The following EYA1 variants were observed in gnomAD, a reference collection of about 807,000 sequenced individuals.
EYA1 encodes the protein EYA transcriptional coactivator and phosphatase 1.
Under a neutral mutation model 82.0 loss-of-function variants are expected in EYA1, and 16 were observed. The observed-to-expected ratio is 0.20, with a 90% CI of 0.13 to 0.30. EYA1 has a LOEUF of 0.30. Among genes scored for constraint, EYA1 ranks in the 10% least tolerant of loss-of-function variants. EYA1 has a pLI of 1.00. For synonymous variants in EYA1, 261 were observed against 264.4 expected (o/e 0.99, Z 0.12); for missense variants, 633 against 730.7 (o/e 0.87, Z 1.54).
At chr8:71,235,451 C>T (rs1420450742) in intron 12 of EYA1, among the ~76,000 whole-genome samples, 2 of 152,076 alleles carry the variant, frequency 1.3e-5, no homozygotes, top group African/African-American at 2.4e-5. Flanking sequence ...CTTGCAGTTG[C>T]TTCCCTCCCA....
At chr8:71,486,846 A>T (rs1387524804) in intron 2 of EYA1, among the ~76,000 whole-genome samples, 2 of 151,886 alleles carry the variant, frequency 1.3e-5, no homozygotes, top group Non-Finnish European at 2.9e-5. Context: ...TAGAGATCCC[A>T]GCTCTGGTAG....
At chr8:71,262,712 G>C (rs1012168333) in intron 11 of EYA1, among the ~76,000 whole-genome samples, 1 of 152,156 alleles carries the variant, frequency 6.6e-6, no homozygotes, top group African/African-American at 2.4e-5. Flanking sequence ...CATTTCCGCT[G>C]TATACTACTG....
chr8:71,460,842 T>C lies in EYA1; in HGVS notation c.33+74902A>G, dbSNP rs567683703. Among the ~76,000 whole-genome samples, 57 of 152,314 alleles carry C rather than the reference T, an allele frequency of 3.7e-4. No individual in the cohort carries two copies. The South Asian group carries it at 0.012, about 32-fold the overall frequency. The stretch of plus-strand genomic sequence containing the variant: ...CAAGCACCCCAGGCAATTCTGGTGA[T>C]CCTGGAAGTTTGGGAAACACTAATT... On this transcript the variant is annotated intron_variant, in intron 2 of 18. Transcript: ENST00000643681.
At chr8:71,222,934 C>T (rs1321149113) in intron 12 of EYA1, among the ~76,000 whole-genome samples, 1 of 150,892 alleles carries the variant, frequency 6.6e-6, no homozygotes, top group East Asian at 1.9e-4. Context: ...CTGACCTGTG[C>T]TCTGTGTCCG....
chr8:71,362,282 T>A, upstream of EYA1: 1 of 813,348 alleles, frequency 1.2e-6, no homozygotes. Flanking sequence ...AACCTTGCTG[T>A]TTAAAAAAAA....
At chr8:71,225,015 G>A (rs991683762) in intron 12 of EYA1, 63 of 215,684 alleles carry the variant, frequency 2.9e-4, no homozygotes, top group African/African-American at 1.4e-3. Context: ...ATTTGATTTG[G>A]TACATCAAGT....
At chr8:71,240,153 C>T (rs1469123079) in intron 12 of EYA1, among the ~76,000 whole-genome samples, 1 of 152,192 alleles carries the variant, frequency 6.6e-6, no homozygotes, top group African/African-American at 2.4e-5. Flanking sequence ...AAAATCATTG[C>T]AGCTTTCTCC....
In EYA1 at chr8:71,361,955, A is replaced by C. The variant is rs1189758773; in HGVS notation, c.-363T>G. ...GGCTTAAAGTCGGAAGTGGCACTGGAGAGTTTCTACCTCGCCCCAAACTCG... is the reference window on the plus strand; with the variant it reads ...GGCTTAAAGTCGGAAGTGGCACTGGCGAGTTTCTACCTCGCCCCAAACTCG... On this transcript the variant is annotated 5_prime_UTR_variant, in exon 1 of 18. Coordinates refer to ENST00000340726, the MANE Select transcript of EYA1 (RefSeq NM_000503.6). 30 of 985,298 alleles carry C rather than the reference A, an allele frequency of 3.0e-5. No homozygotes were observed. Among genetic ancestry groups the C allele is most frequent in the Non-Finnish European group, 3.5e-5 (29 of 829,958 alleles). 61.0% of individuals were successfully genotyped at this position (985,298 alleles called of 1,614,324 possible).
intron 2 of EYA1, among the ~76,000 whole-genome samples, chr8:71,421,255 C>A (rs1050788321): frequency 1.3e-5 from 2 of 152,104 alleles, no homozygotes; most frequent in Admixed American, 6.5e-5. Flanking sequence ...CAAGGAATCC[C>A]CCTGAAACTT....
chr8:71,274,602 C>T (rs942959740), intron 9 of EYA1, among the ~76,000 whole-genome samples: 5 of 152,150 alleles, frequency 3.3e-5, no homozygotes, highest in African/African-American at 1.2e-4. Context: ...AATGATGTAG[C>T]AAACAGACAT....
chr8:71,240,905 C>T (rs552606593), intron 12 of EYA1, among the ~76,000 whole-genome samples: 1 of 152,306 alleles, frequency 6.6e-6, no homozygotes, highest in Admixed American at 6.5e-5. Flanking sequence ...TTTCTCCAAC[C>T]AGTCAGAAAG....
At chr8:71,308,354 G>A (rs1418282185) in intron 7 of EYA1, among the ~76,000 whole-genome samples, 1 of 152,096 alleles carries the variant, frequency 6.6e-6, no homozygotes, top group Non-Finnish European at 1.5e-5. Context: ...AAATTTAAAA[G>A]TAAATTACAT....
At position 71,415,724 on chromosome 8, in the gene EYA1, G is replaced by A. The variant is rs574355700; in HGVS notation, c.34-59213C>T. On this transcript the variant is annotated intron_variant, in intron 2 of 18. Transcript: ENST00000643681. ...CTTCACACTCTATAGACACGACTTGGCCCCAAAGAGGCATCACGGCTCCTG... is the reference window on the plus strand; with the variant it reads ...CTTCACACTCTATAGACACGACTTGACCCCAAAGAGGCATCACGGCTCCTG... Among the ~76,000 whole-genome samples the A allele has an allele frequency of 2.6e-5, 4 of 152,250 alleles. No individual in the cohort carries two copies. In the East Asian group the frequency reaches 7.7e-4, roughly 29 times the overall value.
intron 2 of EYA1, among the ~76,000 whole-genome samples, chr8:71,381,055 C>A (rs770785881): frequency 2.0e-5 from 3 of 152,212 alleles, no homozygotes; most frequent in South Asian, 2.1e-4. Flanking sequence ...GTTCACAAGA[C>A]CCCATTATCA....
chr8:71,439,381 AG>A, intron 2 of EYA1, among the ~76,000 whole-genome samples: 1 of 152,180 alleles, frequency 6.6e-6, no homozygotes, highest in East Asian at 1.9e-4. Context: ...GTGGGGGTAA[AG>A]GGGGTATGGA....
chr8:71,243,568 T>G (rs889094275), intron 12 of EYA1, among the ~76,000 whole-genome samples: 3 of 152,220 alleles, frequency 2.0e-5, no homozygotes, highest in Non-Finnish European at 4.4e-5. Flanking sequence ...GCACTGGAAG[T>G]TGCCAATTCG....
intron 3 of EYA1, among the ~76,000 whole-genome samples, chr8:71,346,172 A>C (rs1179021987): frequency 6.6e-6 from 1 of 151,976 alleles, no homozygotes; most frequent in African/African-American, 2.4e-5. Flanking sequence ...GCGTCCCCAC[A>C]ATCCACAATC....
chr8:71,490,784 A>G (rs1409201216), intron 2 of EYA1, among the ~76,000 whole-genome samples: 3 of 152,234 alleles, frequency 2.0e-5, no homozygotes, highest in East Asian at 1.9e-4. Context: ...CACAACTTGA[A>G]GAGCTGTTTA....
At chr8:71,365,215 G>A (rs577021930), upstream of EYA1, among the ~76,000 whole-genome samples, 253 of 151,548 alleles carry the variant, frequency 1.7e-3, 1 homozygote, top group African/African-American at 5.7e-3. Flanking sequence ...AAATACAGGT[G>A]TCCCTTTCCC....
Sources: allele counts gnomAD v4.1 joint callset (sites outside exome capture counted in the v4.1 genomes callset), GRCh38; gene constraint gnomAD v4.1.1; transcripts MANE v1.5; gene names NCBI Gene and HGNC (gene_info 2026-07-23, HGNC 2026-07-21).